Variants in NDE1 observed in about 807,000 individuals in gnomAD.
NDE1 encodes the protein nudE neurodevelopment protein 1, also known as nuclear distribution protein nudE homolog 1.
In NDE1, 28 loss-of-function variants were observed where a neutral mutation model predicts 43.4. The ratio of observed to expected loss-of-function variants is 0.65; its 90% CI spans 0.48 to 0.89. NDE1 has a LOEUF of 0.89. NDE1 is among the 40% of genes least tolerant of loss of function. The pLI, the probability that NDE1 is intolerant of heterozygous loss-of-function variation, is 0.00. For missense variants in NDE1, 441 were observed against 434.1 expected, an observed-to-expected ratio of 1.02 and a Z score of -0.14; for synonymous variants, 184 against 172.0, an observed-to-expected ratio of 1.07 and a Z score of -0.55.
chr16:15,705,534 T>G (rs1433082598), intron 8 of NDE1, among the ~76,000 whole-genome samples: 1 of 152,198 alleles, frequency 6.6e-6, no homozygotes, highest in Admixed American at 6.6e-5. Flanking sequence ...AATAATTATG[T>G]TGGGCTCTGG....
chr16:15,724,034 T>C, intron 8 of NDE1, 157 bp from the exon 9 acceptor site: 1 of 1,511,268 alleles, frequency 6.6e-7, no homozygotes, highest in Non-Finnish European at 9.0e-7. Context: ...TAAGACAGCC[T>C]CCCATGGCTC....
chr16:15,646,176 C>T (rs2036325714), upstream of NDE1, among the ~76,000 whole-genome samples: 1 of 152,166 alleles, frequency 6.6e-6, no homozygotes, highest in Non-Finnish European at 1.5e-5. Context: ...TTGATCAAAG[C>T]CATTTAGGCA....
chr16:15,701,254 G>C (rs2039211005), intron 8 of NDE1: 2 of 149,478 alleles, frequency 1.3e-5, no homozygotes, highest in Non-Finnish European at 3.0e-5. Context: ...AAAAAAAAAG[G>C]TGTCATAAAC....
chr16:15,719,798 C>T, intron 8 of NDE1: 2 of 1,572,034 alleles, frequency 1.3e-6, no homozygotes, highest in Non-Finnish European at 1.7e-6. Flanking sequence ...ACACCCACCC[C>T]TTGGATTTTC....
At position 15,703,694 on chromosome 16, in the gene NDE1, T is replaced by C. The variant is rs1454640912; in HGVS notation, c.947+6834T>C. The C allele has an allele frequency of 3.3e-5, 15 of 459,364 alleles. No individual in the cohort carries two copies. The Admixed American group carries it at 4.1e-4, about 12-fold the overall frequency. The allele number at this position is 459,364 out of a possible 1,614,324, so 28.5% of individuals were successfully genotyped here. ...GCCTCGAAGTCCTGGGCTGGAGCGT[T>C]CTTCCTGGCTCAGCCTCCCTAGTAG... On this transcript the variant is annotated intron_variant, in intron 8 of 8. Transcript: ENST00000396354.
chr16:15,674,096 G>C (rs1596580883), intron 3 of NDE1, among the ~76,000 whole-genome samples: 1 of 152,134 alleles, frequency 6.6e-6, no homozygotes, highest in Admixed American at 6.6e-5. Flanking sequence ...GTATGTAATG[G>C]ATGTTATTGC....
Position 15,708,818 on chromosome 16 carries a change from G to A in NDE1, c.947+11958G>A, listed in dbSNP as rs754183610. The A allele has an allele frequency of 2.2e-5, 36 of 1,608,966 alleles. No homozygotes were observed. The highest frequency in any genetic ancestry group is 5.1e-5 in the Admixed American group (3 of 59,160). ...GGCATGATACCTGGTGCATCACTGC[G>A]AAGTTTCCTGTGGGGGGGGCCCTCT... On this transcript the variant is annotated intron_variant, in intron 8 of 8. Coordinates refer to ENST00000396354, the MANE Select transcript of NDE1 (RefSeq NM_017668.3).
In NDE1 at chr16:15,717,276, G is replaced by A. The variant is rs777456120; in HGVS notation, c.948-6915G>A. On this transcript the variant is annotated intron_variant, in intron 8 of 8. Coordinates refer to ENST00000396354, the MANE Select transcript of NDE1 (RefSeq NM_017668.3). Reference sequence around the variant, plus strand: ...CGGAGCTCCTTGTTCTGCCGCTCGAGCTGCTGCCGGGCACTCTCATTCTTC... The same window carrying A: ...CGGAGCTCCTTGTTCTGCCGCTCGAACTGCTGCCGGGCACTCTCATTCTTC... 6.2e-6 allele frequency: 10 copies of A among 1,613,670 alleles called. No homozygotes were observed. Among genetic ancestry groups the A allele is most frequent in the African/African-American group, 5.3e-5 (4 of 74,942 alleles).
rs369562733 is a variant in NDE1 at position 15,677,693 on chromosome 16, C to T, written c.238-108C>T. On this transcript the variant is annotated intron_variant, in intron 3 of 8. Transcript: ENST00000396354. ...CTAACTCCTGGGCTCAGGCAGTCCT[C>T]CCAGTTTAGCCTCCCGAGTAGCTGT... 58 of 1,259,908 alleles carry T rather than the reference C, an allele frequency of 4.6e-5. No homozygotes were observed. The Middle Eastern group carries it at 6.1e-4, about 13-fold the overall frequency. The allele number at this position is 1,259,908 out of a possible 1,614,324, so 78.0% of individuals were successfully genotyped here. A position where few individuals can be genotyped will look rare whatever the true frequency, so the allele number is the denominator to read the frequency against.
chr16:15,721,839 CTTG>C (rs1006131586), intron 8 of NDE1, among the ~76,000 whole-genome samples: 3 of 151,972 alleles, frequency 2.0e-5, no homozygotes, highest in Non-Finnish European at 4.4e-5. Flanking sequence ...AATCAGCTGA[CTTG>C]TTTTTTTTTG....
At chr16:15,668,848 C>T (rs375692853) in intron 3 of NDE1, among the ~76,000 whole-genome samples, 12 of 152,212 alleles carry the variant, frequency 7.9e-5, no homozygotes, top group African/African-American at 2.6e-4. Flanking sequence ...CATTGGAGCC[C>T]GGATCATCCT....
In NDE1 at chr16:15,688,689, C is replaced by CTTTTTTTTTTTTTTTTTTTTT. The variant is rs1194565114; in HGVS notation, c.523+1185_523+1205dup. On this transcript the variant is annotated intron_variant, in intron 5 of 8. Transcript: ENST00000396354. ...AGTGGATTGTCCAAGTTGTTTTTAC[C>CTTTTTTTTTTTTTTTTTTTTT]TTTTTTTTTTTTTTTTTTTTTTTTT... Among the ~76,000 whole-genome samples the CTTTTTTTTTTTTTTTTTTTTT allele has an allele frequency of 1.5e-4, 9 of 59,996 alleles. 2 individuals carry two copies. Among genetic ancestry groups the CTTTTTTTTTTTTTTTTTTTTT allele is most frequent in the Non-Finnish European group, 2.1e-4 (7 of 33,862 alleles). 39.4% of individuals were successfully genotyped at this position (59,996 alleles called of 152,430 possible).
At chr16:15,662,476 G>C (rs1001474442) in intron 1 of NDE1, among the ~76,000 whole-genome samples, 1 of 149,904 alleles carries the variant, frequency 6.7e-6, no homozygotes, top group African/African-American at 2.5e-5. Context: ...GTAGGGACAG[G>C]GTTTCACCGT....
At position 15,724,751 on chromosome 16, in the gene NDE1, G is replaced by A. The variant is rs2040663609; in HGVS notation, c.*500G>A. ...TTCCGCTCCTCCTCCAGCTGGCGCA[G>A]CTTCGTAGACACGTTGAGCTTCTGC... is the stretch of plus-strand genomic sequence containing the variant. On this transcript the variant is annotated 3_prime_UTR_variant, in exon 9 of 9. Coordinates refer to ENST00000396354, the MANE Select transcript of NDE1 (RefSeq NM_017668.3). 1.9e-6 allele frequency: 3 copies of A among 1,614,172 alleles called. No individual in the cohort carries two copies. The highest frequency in any genetic ancestry group is 2.5e-6 in the Non-Finnish European group (3 of 1,180,032).
At chr16:15,721,681 G>T in intron 8 of NDE1, 13 of 1,597,924 alleles carry the variant, frequency 8.1e-6, no homozygotes, top group Non-Finnish European at 1.1e-5. Context: ...TCCGGGGTCA[G>T]CGTCACTGAA....
intron 8 of NDE1, among the ~76,000 whole-genome samples, chr16:15,709,418 G>A (rs1479806213): frequency 4.6e-5 from 7 of 151,792 alleles, no homozygotes; most frequent in East Asian, 3.9e-4. Flanking sequence ...GGGTTCAAGC[G>A]ATTCTCCTGC....
intron 1 of NDE1, among the ~76,000 whole-genome samples, chr16:15,658,178 T>C (rs2036864356): frequency 6.6e-6 from 1 of 152,198 alleles, no homozygotes; most frequent in African/African-American, 2.4e-5. Flanking sequence ...GTTTCAGGCT[T>C]ACCTCCGGCT....
At chr16:15,702,994 T>G (rs2039272021) in intron 8 of NDE1, among the ~76,000 whole-genome samples, 1 of 152,068 alleles carries the variant, frequency 6.6e-6, no homozygotes, top group Non-Finnish European at 1.5e-5. Flanking sequence ...AGGCAATTGA[T>G]TTCACCTCTC....
In NDE1 at chr16:15,650,259, C is replaced by A. The variant is rs781582515; in HGVS notation, c.-79C>A. 3.4e-5 allele frequency: 10 copies of A among 291,564 alleles called. No individual in the cohort carries two copies. Among genetic ancestry groups the A allele is most frequent in the Admixed American group, 2.3e-4 (6 of 25,792 alleles). The allele number at this position is 291,564 out of a possible 1,614,324, so 18.1% of individuals were successfully genotyped here. Reference sequence around the variant, plus strand: ...CACCGCCCTTCGCAGCCGCCTCTGCCGCCGCCGCCGCGTTGGCCTCGCCGC... The same window carrying A: ...CACCGCCCTTCGCAGCCGCCTCTGCAGCCGCCGCCGCGTTGGCCTCGCCGC... On this transcript the variant is annotated 5_prime_UTR_variant, in exon 1 of 9. Transcript: ENST00000396354.
Sources: allele counts gnomAD v4.1 joint callset (sites outside exome capture counted in the v4.1 genomes callset), GRCh38; gene constraint gnomAD v4.1.1; transcripts MANE v1.5; gene names NCBI Gene and HGNC (gene_info 2026-07-23, HGNC 2026-07-21).